Variants in VPS13B observed in about 807,000 individuals in gnomAD.
VPS13B encodes vacuolar protein sorting 13 homolog B.
VPS13B carries 285 observed loss-of-function variants against 426.4 expected under a neutral mutation model. The observed-to-expected ratio is 0.67, with a 90% CI of 0.61 to 0.74. VPS13B has a LOEUF of 0.74. VPS13B is among the 30% of genes least tolerant of loss of function. The pLI is 0.00. For synonymous variants in VPS13B, 1,676 were observed against 1,676.4 expected (o/e 1.00, Z 0.01); for missense variants, 4,537 against 4,782.6 (o/e 0.95, Z 1.51).
At position 99,192,086 on chromosome 8, in the gene VPS13B, T is replaced by C. The variant is rs527861817; in HGVS notation, c.2334-790T>C. On this transcript the variant is annotated intron_variant, in intron 16 of 61. Coordinates refer to ENST00000357162, the MANE Select transcript of VPS13B (RefSeq NM_152564.5). ...TTGTTCTTCTATTTTATCTTGCATG[T>C]TTATTAACCTTCAGTATAAACTTGT... is the stretch of plus-strand genomic sequence containing the variant. Among the ~76,000 whole-genome samples the C allele has an allele frequency of 2.0e-5, 3 of 152,338 alleles. No homozygotes were observed. In the South Asian group the frequency reaches 6.2e-4, roughly 32 times the overall value.
At position 99,717,158 on chromosome 8, in the gene VPS13B, ATT is replaced by A; in HGVS notation, c.6455-5_6455-4del. 6.4e-7 allele frequency: 1 copy of A among 1,574,418 alleles called. No homozygotes were observed. Among genetic ancestry groups the A allele is most frequent in the Non-Finnish European group, 8.7e-7 (1 of 1,146,832 alleles). ...AAGGATGAATTATATACTCTTCTGT[ATT>A]TTTTTTTCAGGCATAATTCTTGGGT... On this transcript the variant is annotated splice_polypyrimidine_tract_variant and intron_variant, in intron 36 of 61. Transcript: ENST00000357162.
chr8:99,087,087 G>A (rs1371423456), intron 3 of VPS13B, among the ~76,000 whole-genome samples: 7 of 152,214 alleles, frequency 4.6e-5, no homozygotes, highest in Admixed American at 4.6e-4. Flanking sequence ...GCCTCCTTGA[G>A]CTGTGGTGGG....
At chr8:99,173,162 A>C (rs1184585940) in intron 16 of VPS13B, among the ~76,000 whole-genome samples, 1 of 152,200 alleles carries the variant, frequency 6.6e-6, no homozygotes, top group Non-Finnish European at 1.5e-5. Context: ...GTTATTGAAC[A>C]GATCATTTGC....
Position 99,491,671 on chromosome 8 carries a change from C to T in VPS13B, c.3870+9869C>T, listed in dbSNP as rs114453343. ...ATTGAAACGACTATTGAAGCTTGTG[C>T]ATGCATCACGTAGTTCTCGTGCTGT... On this transcript the variant is annotated intron_variant, in intron 25 of 61. Coordinates refer to ENST00000357162, the MANE Select transcript of VPS13B (RefSeq NM_152564.5). Among the ~76,000 whole-genome samples the T allele has an allele frequency of 2.2e-3, 328 of 152,272 alleles. 1 individual carries two copies. The highest frequency in any genetic ancestry group is 7.3e-3 in the African/African-American group (305 of 41,552).
At chr8:99,027,683 C>T (rs1842209523) in intron 2 of VPS13B, among the ~76,000 whole-genome samples, 1 of 151,940 alleles carries the variant, frequency 6.6e-6, no homozygotes, top group African/African-American at 2.4e-5. Flanking sequence ...CCCATTGTCT[C>T]TTGGCCTATG....
chr8:99,067,412 A>G (rs1420061130), intron 3 of VPS13B, among the ~76,000 whole-genome samples: 2 of 152,212 alleles, frequency 1.3e-5, no homozygotes, highest in Non-Finnish European at 2.9e-5. Flanking sequence ...CAAACACCGC[A>G]TGATCTCACT....
intron 28 of VPS13B, chr8:99,507,627 GGCAGAGGCCATACCTA>G: frequency 6.4e-6 from 8 of 1,253,606 alleles, no homozygotes; most frequent in Non-Finnish European, 9.1e-6. Flanking sequence ...AGATGGTCCA[GGCAGAGGCCATACCTA>G]GCGGTTGCTC....
At chr8:99,185,651 A>G (rs926498327) in intron 16 of VPS13B, among the ~76,000 whole-genome samples, 4 of 152,192 alleles carry the variant, frequency 2.6e-5, no homozygotes, top group African/African-American at 4.8e-5. Flanking sequence ...TTCAATTGCT[A>G]TGAGGTGTGT....
At chr8:99,068,019 A>G (rs1844636385) in intron 3 of VPS13B, among the ~76,000 whole-genome samples, 1 of 152,150 alleles carries the variant, frequency 6.6e-6, no homozygotes, top group South Asian at 2.1e-4. Context: ...TGTTTGGAAT[A>G]TGCTATTTTA....
At chr8:99,499,463 T>C (rs971195473) in intron 25 of VPS13B, among the ~76,000 whole-genome samples, 1 of 152,158 alleles carries the variant, frequency 6.6e-6, no homozygotes, top group Non-Finnish European at 1.5e-5. Flanking sequence ...GAATATGATA[T>C]TCTTCTGTCT....
chr8:99,780,807 C>T (rs978716567), intron 42 of VPS13B, among the ~76,000 whole-genome samples: 1 of 152,096 alleles, frequency 6.6e-6, no homozygotes, highest in Non-Finnish European at 1.5e-5. Flanking sequence ...TATGAAAGTG[C>T]ACTACTTTGA....
intron 14 of VPS13B, among the ~76,000 whole-genome samples, chr8:99,149,349 G>T (rs370501419): frequency 6.6e-6 from 1 of 152,114 alleles, no homozygotes; most frequent in Non-Finnish European, 1.5e-5. Context: ...ACAGAGTCTC[G>T]CTCTGTTGCC....
At chr8:99,819,852 T>G in intron 48 of VPS13B, 69 bp from the exon 49 acceptor site, 1 of 1,573,558 alleles carries the variant, frequency 6.4e-7, no homozygotes, top group Middle Eastern at 1.7e-4. Context: ...TTGGAATCTT[T>G]AAACATATTT....
intron 54 of VPS13B, among the ~76,000 whole-genome samples, chr8:99,846,555 G>C (rs867031839): frequency 3.9e-5 from 6 of 152,322 alleles, no homozygotes; most frequent in Middle Eastern, 3.4e-3. Flanking sequence ...CATGCAAAAG[G>C]CTACAAGGTG....
chr8:99,128,515 T>A (rs1364688216), intron 8 of VPS13B, among the ~76,000 whole-genome samples: 1 of 150,610 alleles, frequency 6.6e-6, no homozygotes, highest in Admixed American at 6.6e-5. Context: ...CCATCCATTA[T>A]CCATACATCT....
At chr8:99,550,350 C>T (rs903941586) in intron 30 of VPS13B, among the ~76,000 whole-genome samples, 3 of 149,688 alleles carry the variant, frequency 2.0e-5, no homozygotes, top group South Asian at 2.1e-4. Context: ...AATTAGAGGA[C>T]GCTATATTAA....
chr8:99,858,941 A>G lies in VPS13B; in HGVS notation c.10868-363A>G, dbSNP rs149928234. On this transcript the variant is annotated intron_variant, in intron 56 of 61. Transcript: ENST00000357162. ...CTCCGCTGTCCCGGGGAGGCTTTAGAGAGAACCTCCCACCTGCAAACACCT... is the reference window on the plus strand; with the variant it reads ...CTCCGCTGTCCCGGGGAGGCTTTAGGGAGAACCTCCCACCTGCAAACACCT... Among the ~76,000 whole-genome samples the G allele has an allele frequency of 7.8e-3, 1,187 of 152,232 alleles. 5 individuals are homozygous for G. Among genetic ancestry groups the G allele is most frequent in the Non-Finnish European group, 0.012 (815 of 68,008 alleles).
chr8:99,708,511 G>C (rs1300427831), intron 36 of VPS13B, among the ~76,000 whole-genome samples: 2 of 152,018 alleles, frequency 1.3e-5, no homozygotes, highest in African/African-American at 2.4e-5. Context: ...TCCAAACAAA[G>C]AGGTTTGAAT....
chr8:99,102,286 T>C (rs949933096), intron 4 of VPS13B, among the ~76,000 whole-genome samples: 3 of 152,148 alleles, frequency 2.0e-5, no homozygotes, highest in Non-Finnish European at 4.4e-5. Context: ...CATACTTTTG[T>C]TTTTTCATTT....
Sources: allele counts gnomAD v4.1 joint callset (sites outside exome capture counted in the v4.1 genomes callset), GRCh38; gene constraint gnomAD v4.1.1; transcripts MANE v1.5; gene names NCBI Gene and HGNC (gene_info 2026-07-23, HGNC 2026-07-21).